MGAT4C: variants seen among roughly 807,000 people sequenced by gnomAD.
The protein encoded by MGAT4C is MGAT4 family member C.
MGAT4C carries 19 observed loss-of-function variants against 40.1 expected under a neutral mutation model. The observed-to-expected ratio is 0.47, with a 90% CI of 0.33 to 0.70. The LOEUF is 0.70. Among genes scored for constraint, MGAT4C ranks in the 30% least tolerant of loss-of-function variants. The pLI is 0.02. For synonymous variants in MGAT4C, 181 were observed against 187.1 expected, an observed-to-expected ratio of 0.97 and a Z score of 0.27; for missense variants, 491 against 563.2, an observed-to-expected ratio of 0.87 and a Z score of 1.30.
intron 1 of MGAT4C, among the ~76,000 whole-genome samples, chr12:86,762,603 T>C (rs1951427329): frequency 6.6e-6 from 1 of 152,202 alleles, no homozygotes; most frequent in Non-Finnish European, 1.5e-5. Flanking sequence ...TAATTCTGTG[T>C]CCCTCAGCAT....
Position 86,058,305 on chromosome 12 carries a change from G to C in MGAT4C, c.-56-8582C>G, listed in dbSNP as rs568703580. On this transcript the variant is annotated intron_variant, in intron 1 of 4. Coordinates refer to ENST00000611864, the MANE Select transcript of MGAT4C (RefSeq NM_001351288.2). Reference sequence around the variant, plus strand: ...TCATTTCTTTGAGTAGTTTGTGTAAGTGGTATAAATCTCAAAAAATCTATA... The same window carrying C: ...TCATTTCTTTGAGTAGTTTGTGTAACTGGTATAAATCTCAAAAAATCTATA... 9.1e-4 allele frequency among the ~76,000 whole-genome samples: 139 copies of C among 152,224 alleles called. 1 individual carries two copies. The highest frequency in any genetic ancestry group is 3.2e-3 in the African/African-American group (135 of 41,568).
chr12:86,466,846 TCTTAAAAATTA>T (rs1389293347), intron 2 of MGAT4C, among the ~76,000 whole-genome samples: 1 of 152,196 alleles, frequency 6.6e-6, no homozygotes, highest in Non-Finnish European at 1.5e-5. Context: ...TAAAACATTT[TCTTAAAAATTA>T]CTTTTATTTC....
intron 2 of MGAT4C, among the ~76,000 whole-genome samples, chr12:86,446,311 T>A (rs1359819587): frequency 1.3e-5 from 2 of 152,012 alleles, no homozygotes; most frequent in Non-Finnish European, 2.9e-5. Context: ...GAATAATTAC[T>A]CATCCCAGGA....
chr12:86,116,438 T>A (rs1282711531), intron 1 of MGAT4C, among the ~76,000 whole-genome samples: 1 of 151,744 alleles, frequency 6.6e-6, no homozygotes, highest in Non-Finnish European at 1.5e-5. Flanking sequence ...TTTTTTAAGG[T>A]AAAACCAACA....
intron 2 of MGAT4C, among the ~76,000 whole-genome samples, chr12:86,559,025 T>C (rs891996566): frequency 5.9e-5 from 9 of 151,706 alleles, no homozygotes; most frequent in African/African-American, 2.2e-4. Context: ...GGAAACCAAA[T>C]GTGAGCAGGC....
intron 2 of MGAT4C, among the ~76,000 whole-genome samples, chr12:86,629,187 T>C (rs1041299905): frequency 6.6e-6 from 1 of 152,110 alleles, no homozygotes; most frequent in Non-Finnish European, 1.5e-5. Flanking sequence ...AAGGATCAAT[T>C]CAACAAGAAG....
intron 1 of MGAT4C, among the ~76,000 whole-genome samples, chr12:86,127,809 C>T (rs1880523725): frequency 6.6e-6 from 1 of 152,140 alleles, no homozygotes; most frequent in Non-Finnish European, 1.5e-5. Flanking sequence ...CACATCTTGT[C>T]CCCTGGAAGG....
At chr12:86,430,130 G>T (rs1001804034) in intron 3 of MGAT4C, among the ~76,000 whole-genome samples, 1 of 151,838 alleles carries the variant, frequency 6.6e-6, no homozygotes, top group African/African-American at 2.4e-5. Context: ...CTATATCTTT[G>T]TCTAACTTCT....
At chr12:86,413,936 G>C (rs1956654109) in intron 3 of MGAT4C, among the ~76,000 whole-genome samples, 1 of 152,018 alleles carries the variant, frequency 6.6e-6, no homozygotes, top group South Asian at 2.1e-4. Context: ...AGAGAGAATT[G>C]TTTTGTTCAG....
intron 2 of MGAT4C, among the ~76,000 whole-genome samples, chr12:86,455,351 A>G (rs1265584447): frequency 6.6e-6 from 1 of 152,100 alleles, no homozygotes; most frequent in Non-Finnish European, 1.5e-5. Flanking sequence ...ATTTGAGGAA[A>G]GTTTTTGCTC....
At chr12:86,126,418 A>G (rs2135698808) in intron 1 of MGAT4C, among the ~76,000 whole-genome samples, 1 of 152,276 alleles carries the variant, frequency 6.6e-6, no homozygotes, top group South Asian at 2.1e-4. Context: ...GACTATCTTA[A>G]TTACACAATT....
At chr12:86,156,008 A>G (rs1482615885) in intron 1 of MGAT4C, among the ~76,000 whole-genome samples, 2 of 152,116 alleles carry the variant, frequency 1.3e-5, no homozygotes, top group Non-Finnish European at 2.9e-5. Flanking sequence ...TAAAATATTA[A>G]CCAGTTTTGT....
intron 1 of MGAT4C, among the ~76,000 whole-genome samples, chr12:86,076,128 T>C (rs775733335): frequency 6.6e-6 from 1 of 152,184 alleles, no homozygotes; most frequent in Non-Finnish European, 1.5e-5. Context: ...TGCTTAGAAA[T>C]TTATTTTGCC....
intron 2 of MGAT4C, among the ~76,000 whole-genome samples, chr12:86,514,487 T>C (rs1027400121): frequency 6.6e-6 from 1 of 152,192 alleles, no homozygotes; most frequent in Non-Finnish European, 1.5e-5. Flanking sequence ...ATAATCTGCA[T>C]GTTTTCCCTT....
chr12:86,237,131 AAAC>A (rs1161330754), intron 1 of MGAT4C, among the ~76,000 whole-genome samples: 1 of 151,262 alleles, frequency 6.6e-6, no homozygotes, highest in Non-Finnish European at 1.5e-5. Context: ...AGGATATAGA[AAAC>A]ACACACACAC....
chr12:86,351,520 C>T (rs1320555615), intron 3 of MGAT4C, among the ~76,000 whole-genome samples: 1 of 151,830 alleles, frequency 6.6e-6, no homozygotes, highest in Non-Finnish European at 1.5e-5. Context: ...TCCTATTATC[C>T]TAACATAATT....
chr12:86,370,313 G>T (rs955697145), intron 3 of MGAT4C, among the ~76,000 whole-genome samples: 1 of 152,040 alleles, frequency 6.6e-6, no homozygotes, highest in African/African-American at 2.4e-5. Context: ...ACCAGGAAGT[G>T]ATACTTCCAC....
At chr12:86,275,722 G>A (rs1446757969) in intron 4 of MGAT4C, among the ~76,000 whole-genome samples, 1 of 152,050 alleles carries the variant, frequency 6.6e-6, no homozygotes, top group Non-Finnish European at 1.5e-5. Flanking sequence ...TCAAGAAGCT[G>A]AGAAAGACAA....
chr12:86,293,189 C>G (rs1377090344), intron 4 of MGAT4C, among the ~76,000 whole-genome samples: 5 of 152,006 alleles, frequency 3.3e-5, no homozygotes, highest in Non-Finnish European at 7.4e-5. Context: ...CTATTTCTTG[C>G]TGATTTGAAT....
Sources: gnomAD v4.1 joint callset for allele counts (sites outside exome capture counted in the v4.1 genomes callset) on GRCh38, gnomAD v4.1.1 for gene constraint, MANE v1.5 for transcripts, NCBI Gene and HGNC (gene_info 2026-07-23, HGNC 2026-07-21) for gene names.